The following A2M variants were observed in gnomAD, a reference collection of about 807,000 sequenced individuals.
A2M encodes the protein C3 and PZP-like alpha-2-macroglobulin domain-containing protein 5.
Under a neutral mutation model 183.9 loss-of-function variants are expected in A2M, and 128 were observed. That is an observed-to-expected ratio of 0.70 (90% CI 0.60 to 0.81). The LOEUF (loss-of-function observed/expected upper bound fraction) is 0.81, where lower values mean the gene tolerates loss of function less well. Among genes scored for constraint, A2M ranks in the 30% least tolerant of loss-of-function variants. The pLI is 0.00. For synonymous variants in A2M, 592 were observed against 670.8 expected, an observed-to-expected ratio of 0.88 and a Z score of 1.81; for missense variants, 1,495 against 1,787.6, an observed-to-expected ratio of 0.84 and a Z score of 2.95.
chr12:9,113,731 G>T (rs1938923020), intron 1 of A2M, among the ~76,000 whole-genome samples, 188 bp from the exon 2 acceptor site: 1 of 152,198 alleles, frequency 6.6e-6, no homozygotes, highest in South Asian at 2.1e-4. Flanking sequence ...ACATGCCATG[G>T]CAGTGAACAT....
chr12:9,091,083 C>A (rs1592360021), intron 19 of A2M, 118 bp downstream of exon 19: 4 of 1,270,724 alleles, frequency 3.1e-6, no homozygotes, highest in African/African-American at 1.5e-5. Flanking sequence ...GTAACTTTTA[C>A]AATCATGAAT....
intron 11 of A2M, among the ~76,000 whole-genome samples, chr12:9,103,122 A>C (rs1938014512): frequency 6.6e-6 from 1 of 152,218 alleles, no homozygotes; most frequent in Non-Finnish European, 1.5e-5. Context: ...AAGTAAGGTA[A>C]TAATTTTTGG....
At chr12:9,105,943 G>A (rs1486992615) in intron 10 of A2M, among the ~76,000 whole-genome samples, 1 of 152,104 alleles carries the variant, frequency 6.6e-6, no homozygotes, top group Non-Finnish European at 1.5e-5. Flanking sequence ...CCATGAGAAG[G>A]AGATTGAGTG....
chr12:9,106,412 C>T (rs971767386), intron 9 of A2M, 67 bp from the exon 10 acceptor site: 20 of 1,430,138 alleles, frequency 1.4e-5, no homozygotes, highest in Non-Finnish European at 2.0e-5. Context: ...TATCACCTCC[C>T]CCCAACTTAC....
intron 19 of A2M, among the ~76,000 whole-genome samples, chr12:9,090,714 A>G (rs187174405): frequency 4.1e-4 from 62 of 152,296 alleles, no homozygotes; most frequent in Admixed American, 3.7e-3. Context: ...TGATGGGACC[A>G]GAGGAAGGGA....
At chr12:9,094,825 T>C (rs1949324556) in intron 17 of A2M, 148 bp downstream of exon 17, 2 of 382,978 alleles carry the variant, frequency 5.2e-6, no homozygotes, top group South Asian at 2.0e-4. Context: ...TTTGAGTTTA[T>C]ATTACTATAT....
chr12:9,087,097 TA>T (rs1310668485), intron 22 of A2M, among the ~76,000 whole-genome samples: 9 of 151,826 alleles, frequency 5.9e-5, no homozygotes, highest in African/African-American at 2.2e-4. Context: ...GTGAAAATTA[TA>T]AAACACTGAT....
intron 4 of A2M, chr12:9,111,892 C>T: frequency 1.9e-6 from 1 of 528,922 alleles, no homozygotes; most frequent in Non-Finnish European, 3.6e-6. Flanking sequence ...TTGAATGTAT[C>T]TTTCTAATTG....
rs774857316 is a variant in A2M, at chr12:9,112,459, CTTCTTAAA to C, written c.340_347del (p.Phe114AlafsTer7). ...CGTTCTTAACCATCACTGTGGTCCG[CTTCTTAAA>C]TTCTTGGGTTGGTCCTTTCACTTGG... On this transcript the variant is annotated frameshift_variant, in exon 3 of 36. Transcript: ENST00000318602. LOFTEE classifies it high-confidence loss of function. 2 of 1,613,824 alleles carry C rather than the reference CTTCTTAAA, an allele frequency of 1.2e-6. No individual in the cohort carries two copies. Among genetic ancestry groups the C allele is most frequent in the Non-Finnish European group, 1.7e-6 (2 of 1,179,808 alleles).
In A2M at chr12:9,072,805, C is replaced by G. The variant is rs964870982; in HGVS notation, c.3823G>C (p.Ala1275Pro). Residue 1275 changes from alanine to proline, a missense_variant, in exon 30 of 36, where the codon GCT (alanine) becomes CCT (proline). Physicochemically the swap from Ala to Pro is conservative, Grantham distance 27. Coordinates refer to ENST00000318602, the MANE Select transcript of A2M (RefSeq NM_000014.6). ...GAATFTRTGK[A>P]AQVTIQSSGT... ...GAAGACTGGATAGTCACCTGTGCAGCCTTCCCAGTCCTGGTAAATGTGGCT... is the reference window on the plus strand; with the variant it reads ...GAAGACTGGATAGTCACCTGTGCAGGCTTCCCAGTCCTGGTAAATGTGGCT... 1 of 1,614,186 alleles carries G rather than the reference C, an allele frequency of 6.2e-7. No homozygotes were observed. The highest frequency in any genetic ancestry group is 1.7e-5 in the Admixed American group (1 of 60,022).
chr12:9,090,353 C>T lies in A2M; in HGVS notation c.2596+3G>A. On this transcript the variant is annotated splice_donor_region_variant and intron_variant, in intron 20 of 35. Transcript: ENST00000318602. The stretch of plus-strand genomic sequence containing the variant: ...GAATTATCTCTAGCAGTTTTTTGCT[C>T]ACCTAATGACTTTGGGGTTACTGCC... The T allele has an allele frequency of 1.2e-6, 2 of 1,613,890 alleles. No individual in the cohort carries two copies. Among genetic ancestry groups the T allele is most frequent in the East Asian group, 2.2e-5 (1 of 44,882 alleles).
intron 28 of A2M, among the ~76,000 whole-genome samples, chr12:9,075,126 TC>T (rs1948703083): frequency 1.3e-5 from 2 of 152,238 alleles, no homozygotes; most frequent in Admixed American, 1.3e-4. Flanking sequence ...TTGTTACATT[TC>T]CTATAAAGTG....
At position 9,110,052 on chromosome 12, in the gene A2M, A is replaced by T; in HGVS notation, c.505-17T>A. ...TTTGGGATCCTATATGAGTAAATTA[A>T]TTATAACTTACAAAAGCACCTGGAG... On this transcript the variant is annotated splice_polypyrimidine_tract_variant and intron_variant, in intron 5 of 35. Transcript: ENST00000318602. The T allele has an allele frequency of 1.3e-6, 2 of 1,591,628 alleles. No individual in the cohort carries two copies. The highest frequency in any genetic ancestry group is 1.7e-6 in the Non-Finnish European group (2 of 1,171,134).
chr12:9,107,629 CT>C lies in A2M; in HGVS notation c.773del (p.Lys258SerfsTer7), dbSNP rs1339572662. Reference protein sequence around the residue: ...VSVCGLYTYGKPVPGHVTVSI... With the variant: ...VSVCGLYTYGXPVPGHVTVSI... ...TCACAGTCACATGTCCAGGGACAGGCTTCCCATATGTGTATCTGTCATGAGA... is the reference window on the plus strand; with the variant it reads ...TCACAGTCACATGTCCAGGGACAGGCTCCCATATGTGTATCTGTCATGAGA... On this transcript the variant is annotated frameshift_variant, in exon 8 of 36. Transcript: ENST00000318602. LOFTEE classifies it high-confidence loss of function. 6.2e-7 allele frequency: 1 copy of C among 1,613,980 alleles called. No individual in the cohort carries two copies. Among genetic ancestry groups the C allele is most frequent in the Non-Finnish European group, 8.5e-7 (1 of 1,179,880 alleles).
At chr12:9,114,905 A>G (rs1939009796) in intron 1 of A2M, among the ~76,000 whole-genome samples, 1 of 152,234 alleles carries the variant, frequency 6.6e-6, no homozygotes, top group Non-Finnish European at 1.5e-5. Flanking sequence ...TATGATTCAT[A>G]CATATTAGAT....
chr12:9,077,214 C>T (rs1831067775), intron 27 of A2M, 132 bp downstream of exon 27: 2 of 913,178 alleles, frequency 2.2e-6, no homozygotes, highest in Non-Finnish European at 1.6e-6. Flanking sequence ...CTCTGTAGAT[C>T]TGGGAAGCAC....
chr12:9,074,158 G>C (rs1166921759), intron 29 of A2M, among the ~76,000 whole-genome samples: 1 of 151,800 alleles, frequency 6.6e-6, no homozygotes, highest in African/African-American at 2.4e-5. Flanking sequence ...GCCTATTAAA[G>C]GGGACCTAAG....
At chr12:9,098,439 T>TAC in intron 15 of A2M, 168 bp downstream of exon 15, 1 of 425,628 alleles carries the variant, frequency 2.3e-6, no homozygotes, top group Non-Finnish European at 3.9e-6. Context: ...GTTATATATA[T>TAC]ATATATATAT....
intron 22 of A2M, among the ~76,000 whole-genome samples, chr12:9,082,910 T>C (rs921008143): frequency 1.3e-5 from 2 of 152,218 alleles, no homozygotes; most frequent in African/African-American, 2.4e-5. Context: ...AGCAGCATGA[T>C]TTATAATCCT....
Sources: gnomAD v4.1 joint callset for allele counts (sites outside exome capture counted in the v4.1 genomes callset) on GRCh38, gnomAD v4.1.1 for gene constraint, MANE v1.5 for transcripts, NCBI Gene and HGNC (gene_info 2026-07-23, HGNC 2026-07-21) for gene names.